The following GALNT13 variants were observed in gnomAD, a reference collection of about 807,000 sequenced individuals.
GALNT13 encodes the protein UDP-GalNAc:polypeptide N-acetylgalactosaminyltransferase 13.
GALNT13 carries 28 observed loss-of-function variants against 64.2 expected under a neutral mutation model. That is an observed-to-expected ratio of 0.44 (90% CI 0.32 to 0.60). GALNT13 has a LOEUF of 0.60. Among genes scored for constraint, GALNT13 ranks in the 20% least tolerant of loss-of-function variants. GALNT13 has a pLI of 0.05. For missense variants in GALNT13, 577 were observed against 669.8 expected (o/e 0.86, Z 1.53); for synonymous variants, 214 against 224.6 (o/e 0.95, Z 0.42).
At chr2:154,164,099 A>G (rs1314792449) in intron 4 of GALNT13, among the ~76,000 whole-genome samples, 1 of 152,188 alleles carries the variant, frequency 6.6e-6, no homozygotes, top group Non-Finnish European at 1.5e-5. Context: ...TATTTATAAA[A>G]CATTTTAGTA....
chr2:153,644,524 C>T, the GALNT13 span, among the ~76,000 whole-genome samples: 3 of 151,858 alleles, frequency 2.0e-5, no homozygotes, highest in Admixed American at 6.6e-5. Flanking sequence ...AGAGGGATCT[C>T]GGATTTTTGT....
chr2:154,317,526 T>G (rs1694389410), intron 9 of GALNT13, among the ~76,000 whole-genome samples: 2 of 152,140 alleles, frequency 1.3e-5, no homozygotes, highest in African/African-American at 4.8e-5. Flanking sequence ...TCATAGAAAC[T>G]TATATATCAA....
the GALNT13 span, among the ~76,000 whole-genome samples, chr2:153,126,294 TTGTATATATATATATATA>T: frequency 4.7e-3 from 241 of 50,816 alleles, 3 homozygotes; most frequent in African/African-American, 0.012. Flanking sequence ...AGTATTGATT[TTGTATATATATATATATA>T]TATATATATA....
At chr2:154,346,365 T>TA (rs769856116) in intron 9 of GALNT13, among the ~76,000 whole-genome samples, 2 of 152,038 alleles carry the variant, frequency 1.3e-5, no homozygotes, top group Non-Finnish European at 2.9e-5. Context: ...ATTTCTAAAG[T>TA]TATATCCTGA....
intron 4 of GALNT13, 149 bp downstream of exon 4, chr2:154,140,654 T>A (rs1385698052): frequency 2.1e-6 from 1 of 485,490 alleles, no homozygotes; most frequent in Admixed American, 4.0e-5. Context: ...TGCATGCATA[T>A]GCTGAAAAAG....
At chr2:153,967,650 C>T (rs1001772159) in intron 3 of GALNT13, among the ~76,000 whole-genome samples, 2 of 152,070 alleles carry the variant, frequency 1.3e-5, no homozygotes, top group African/African-American at 2.4e-5. Flanking sequence ...TGGGTACTCC[C>T]ATGGCTCTCA....
At chr2:153,337,098 G>A in the GALNT13 span, among the ~76,000 whole-genome samples, 1 of 152,084 alleles carries the variant, frequency 6.6e-6, no homozygotes, top group Non-Finnish European at 1.5e-5. Context: ...TCCAGTCTTG[G>A]GTATGTCTTT....
intron 4 of GALNT13, among the ~76,000 whole-genome samples, chr2:154,149,862 G>T (rs1404981515): frequency 6.6e-6 from 1 of 152,196 alleles, no homozygotes; most frequent in African/African-American, 2.4e-5. Context: ...ATACAGTCAT[G>T]TCATCTGCAA....
At chr2:154,448,865 A>T (rs1701728345) in intron 12 of GALNT13, among the ~76,000 whole-genome samples, 1 of 151,994 alleles carries the variant, frequency 6.6e-6, no homozygotes, top group Admixed American at 6.6e-5. Flanking sequence ...ATGAAAAATC[A>T]TACTTTTTTT....
chr2:153,865,752 G>C, the GALNT13 span, among the ~76,000 whole-genome samples: 1 of 47,466 alleles, frequency 2.1e-5, no homozygotes, highest in Non-Finnish European at 4.2e-5. Context: ...AGTCAGTGTG[G>C]CGATTCCTCA....
chr2:154,279,022 GAAAA>G (rs966357069), intron 8 of GALNT13, among the ~76,000 whole-genome samples: 2 of 151,970 alleles, frequency 1.3e-5, no homozygotes, highest in South Asian at 4.1e-4. Flanking sequence ...TATCTAAAAA[GAAAA>G]AGAAAGGGAT....
At chr2:153,401,341 T>C in the GALNT13 span, among the ~76,000 whole-genome samples, 1 of 151,968 alleles carries the variant, frequency 6.6e-6, no homozygotes, top group Non-Finnish European at 1.5e-5. Flanking sequence ...GAGCTTTACT[T>C]CCAAGTAAGT....
intron 3 of GALNT13, among the ~76,000 whole-genome samples, chr2:154,023,707 G>A (rs1195382624): frequency 3.3e-5 from 5 of 151,878 alleles, no homozygotes; most frequent in South Asian, 2.1e-4. Context: ...TAAAGTTAAT[G>A]TTGTTATGTA....
the GALNT13 span, among the ~76,000 whole-genome samples, chr2:153,607,177 C>A: frequency 6.6e-6 from 1 of 151,862 alleles, no homozygotes; most frequent in African/African-American, 2.4e-5. Context: ...TGGATTGATA[C>A]ATCGTATGTA....
the GALNT13 span, among the ~76,000 whole-genome samples, chr2:153,258,718 A>C: frequency 6.6e-6 from 1 of 151,990 alleles, no homozygotes. Flanking sequence ...TCATTGACCC[A>C]CTGGTCATTC....
chr2:153,632,037 C>A, the GALNT13 span, among the ~76,000 whole-genome samples: 6 of 152,178 alleles, frequency 3.9e-5, no homozygotes, highest in East Asian at 7.7e-4. Context: ...CTGTCCAAGG[C>A]AAAACAGCAT....
At chr2:153,894,177 T>G (rs1363374741) in intron 1 of GALNT13, among the ~76,000 whole-genome samples, 1 of 151,654 alleles carries the variant, frequency 6.6e-6, no homozygotes. Context: ...AAACATTCAA[T>G]GAAAAAAAAT....
chr2:153,614,894 A>G, the GALNT13 span, among the ~76,000 whole-genome samples: 1 of 151,848 alleles, frequency 6.6e-6, no homozygotes, highest in Non-Finnish European at 1.5e-5. Context: ...ATCCAATTAC[A>G]CTCTTTATTT....
At chr2:154,287,268 C>A in intron 8 of GALNT13, 1 of 795,728 alleles carries the variant, frequency 1.3e-6, no homozygotes, top group South Asian at 1.4e-5. Flanking sequence ...AACTCCAAGA[C>A]AGCAGAGCTG....
Sources: gnomAD v4.1 joint callset for allele counts (sites outside exome capture counted in the v4.1 genomes callset) on GRCh38, gnomAD v4.1.1 for gene constraint, MANE v1.5 for transcripts, NCBI Gene and HGNC (gene_info 2026-07-23, HGNC 2026-07-21) for gene names.